PDE7B: variants seen among roughly 807,000 people sequenced by gnomAD.
PDE7B encodes the protein phosphodiesterase 7B, also known as 3',5'-cyclic-AMP phosphodiesterase 7B.
In PDE7B, 29 loss-of-function variants were observed where a neutral mutation model predicts 56.2. The observed-to-expected ratio is 0.52, with a 90% CI of 0.38 to 0.70. PDE7B has a LOEUF of 0.70. PDE7B is among the 30% of genes least tolerant of loss of function. The pLI is 0.00. For missense variants in PDE7B, 490 were observed against 565.0 expected (o/e 0.87, Z 1.35); for synonymous variants, 197 against 196.9 (o/e 1.00, Z 0.00).
chr6:135,935,602 T>C (rs1268991409), intron 1 of PDE7B, among the ~76,000 whole-genome samples: 1 of 152,152 alleles, frequency 6.6e-6, no homozygotes, highest in East Asian at 1.9e-4. Context: ...ATGAATGAAC[T>C]ATACAGAAAG....
At chr6:136,062,775 G>C (rs986365974) in intron 2 of PDE7B, among the ~76,000 whole-genome samples, 4 of 152,064 alleles carry the variant, frequency 2.6e-5, no homozygotes, top group African/African-American at 9.7e-5. Context: ...AGACCAAATT[G>C]CTCTCTGGAG....
At chr6:136,181,818 T>G (rs892065102) in intron 11 of PDE7B, among the ~76,000 whole-genome samples, 1 of 152,154 alleles carries the variant, frequency 6.6e-6, no homozygotes, top group Non-Finnish European at 1.5e-5. Context: ...GTTCTTCCTT[T>G]CAAATATAGT....
intron 9 of PDE7B, among the ~76,000 whole-genome samples, chr6:136,175,170 T>C (rs1471674344): frequency 6.6e-6 from 1 of 152,224 alleles, no homozygotes; most frequent in Non-Finnish European, 1.5e-5. Flanking sequence ...ATGAAAAATA[T>C]ATTTTTATGT....
At position 135,961,287 on chromosome 6, in the gene PDE7B, G is replaced by A. The variant is rs541587799; in HGVS notation, c.82+13763G>A. On this transcript the variant is annotated intron_variant, in intron 2 of 12. Transcript: ENST00000308191. The stretch of plus-strand genomic sequence containing the variant: ...TGTGTGTGTGTGTGTGTGTATGTGT[G>A]TGTGTGTGTGTGTGTGTGTGTGTGT... Among the ~76,000 whole-genome samples the A allele has an allele frequency of 3.5e-3, 506 of 146,018 alleles. 2 individuals carry two copies. The highest frequency in any genetic ancestry group is 0.012 in the African/African-American group (431 of 37,172).
At chr6:135,990,741 G>T (rs1400508138) in intron 2 of PDE7B, among the ~76,000 whole-genome samples, 1 of 152,220 alleles carries the variant, frequency 6.6e-6, no homozygotes, top group Non-Finnish European at 1.5e-5. Flanking sequence ...GTGAGGTAAT[G>T]TTACCAGAAA....
At chr6:136,155,411 A>G (rs1199238725) in intron 7 of PDE7B, among the ~76,000 whole-genome samples, 1 of 152,196 alleles carries the variant, frequency 6.6e-6, no homozygotes, top group African/African-American at 2.4e-5. Flanking sequence ...AATAATCTAC[A>G]CAATTTGAGT....
intron 2 of PDE7B, among the ~76,000 whole-genome samples, chr6:136,048,147 A>T (rs1776551741): frequency 6.6e-6 from 1 of 151,822 alleles, no homozygotes; most frequent in Admixed American, 6.5e-5. Context: ...CTAAATGTGC[A>T]TACACAAAGT....
Position 136,017,516 on chromosome 6 carries a change from G to C in PDE7B, c.82+69992G>C, listed in dbSNP as rs367683735. Among the ~76,000 whole-genome samples the C allele has an allele frequency of 4.9e-4, 62 of 125,746 alleles. No homozygotes were observed. In the East Asian group the frequency reaches 0.012, roughly 25 times the overall value. 82.5% of individuals were successfully genotyped at this position (125,746 alleles called of 152,430 possible). On this transcript the variant is annotated intron_variant, in intron 2 of 12. Coordinates refer to ENST00000308191, the MANE Select transcript of PDE7B (RefSeq NM_018945.4). ...TCCCCCCACCCCACGACAGGCCCCG[G>C]TGTGTGATGTTCCCCTTCTTGTGTC...
At chr6:136,158,403 CAAG>C (rs539729330) in intron 8 of PDE7B, among the ~76,000 whole-genome samples, 156 of 152,280 alleles carry the variant, frequency 1.0e-3, no homozygotes, top group African/African-American at 3.6e-3. Context: ...ATTTGGTCAA[CAAG>C]AATACCGTAG....
At chr6:135,933,455 T>C (rs1476500925) in intron 1 of PDE7B, among the ~76,000 whole-genome samples, 1 of 152,262 alleles carries the variant, frequency 6.6e-6, no homozygotes, top group African/African-American at 2.4e-5. Flanking sequence ...ACTGGGCACC[T>C]GCTTTAAGCC....
In PDE7B at chr6:136,183,544, C is replaced by T. The variant is rs796581479; in HGVS notation, c.1045+2221C>T. 5.2e-4 allele frequency among the ~76,000 whole-genome samples: 73 copies of T among 141,360 alleles called. 1 individual carries two copies. Among genetic ancestry groups the T allele is most frequent in the African/African-American group, 1.8e-3 (70 of 38,086 alleles). 92.7% of individuals were successfully genotyped at this position (141,360 alleles called of 152,430 possible). ...CCGGGAGGCAGAGCTTGCAGTGAGC[C>T]AAGGTCACGCCACTGCACTCCAGCC... On this transcript the variant is annotated intron_variant, in intron 11 of 12. Transcript: ENST00000308191.
At chr6:136,110,346 T>TA (rs1777722970) in intron 3 of PDE7B, among the ~76,000 whole-genome samples, 1 of 152,240 alleles carries the variant, frequency 6.6e-6, no homozygotes, top group East Asian at 1.9e-4. Flanking sequence ...TGACAGTCTC[T>TA]AGACTGAGTG....
intron 9 of PDE7B, among the ~76,000 whole-genome samples, chr6:136,176,354 C>G (rs960671217): frequency 6.6e-6 from 1 of 151,948 alleles, no homozygotes; most frequent in Non-Finnish European, 1.5e-5. Context: ...CAACCATAAT[C>G]CCATTATAGA....
At chr6:136,161,768 CTTTGGGG>C (rs1455326884) in intron 8 of PDE7B, among the ~76,000 whole-genome samples, 3 of 152,158 alleles carry the variant, frequency 2.0e-5, no homozygotes, top group Non-Finnish European at 4.4e-5. Context: ...AGCTACTGAA[CTTTGGGG>C]TTTGGGGTAT....
chr6:135,880,195 C>G (rs974308060), intron 1 of PDE7B, among the ~76,000 whole-genome samples: 1 of 152,074 alleles, frequency 6.6e-6, no homozygotes, highest in East Asian at 1.9e-4. Context: ...AGTTGCCTGA[C>G]AGTAAAACAG....
chr6:135,889,720 C>G (rs1214256315), intron 1 of PDE7B, among the ~76,000 whole-genome samples: 1 of 126,948 alleles, frequency 7.9e-6, no homozygotes, highest in Non-Finnish European at 1.7e-5. Context: ...GGATTACAAA[C>G]GTGAGCCACC....
chr6:136,006,506 A>C (rs936274679), intron 2 of PDE7B, among the ~76,000 whole-genome samples: 2 of 152,162 alleles, frequency 1.3e-5, no homozygotes, highest in African/African-American at 4.8e-5. Context: ...TTTGGGAAGC[A>C]TGGCCATTTC....
In PDE7B at chr6:135,947,979, G is replaced by A. The variant is rs141026844; in HGVS notation, c.82+455G>A. 1.6e-3 allele frequency among the ~76,000 whole-genome samples: 241 copies of A among 152,084 alleles called. 1 individual carries two copies. The East Asian group carries it at 0.028, about 17-fold the overall frequency. On this transcript the variant is annotated intron_variant, in intron 2 of 12. Transcript: ENST00000308191. The stretch of plus-strand genomic sequence containing the variant: ...ATCTGAAGTCAGCACAACTATTATC[G>A]ACACAGCATTTGTAACAAAATAACA...
intron 3 of PDE7B, among the ~76,000 whole-genome samples, chr6:136,131,504 T>TG (rs1172078755): frequency 6.8e-6 from 1 of 146,820 alleles, no homozygotes; most frequent in Non-Finnish European, 1.5e-5. Flanking sequence ...GTTTTTTTTT[T>TG]TTTTTTTTTT....
Sources: gnomAD v4.1 joint callset for allele counts (sites outside exome capture counted in the v4.1 genomes callset) on GRCh38, gnomAD v4.1.1 for gene constraint, MANE v1.5 for transcripts, NCBI Gene and HGNC (gene_info 2026-07-23, HGNC 2026-07-21) for gene names.